CCDC91: variants seen among roughly 807,000 people sequenced by gnomAD.
CCDC91 encodes the protein coiled-coil domain-containing protein 91.
In CCDC91, 48 loss-of-function variants were observed where a neutral mutation model predicts 63.2. That is an observed-to-expected ratio of 0.76 (90% CI 0.60 to 0.97). The LOEUF (loss-of-function observed/expected upper bound fraction) is 0.97. Among genes scored for constraint, CCDC91 ranks in the 50% least tolerant of loss-of-function variants. The pLI is 0.00. For missense variants in CCDC91, 500 were observed against 494.6 expected (o/e 1.01, Z -0.10); for synonymous variants, 167 against 165.8 (o/e 1.01, Z -0.06).
chr12:28,191,230 C>T (rs1941210915), intron 1 of CCDC91: 1 of 152,310 alleles, frequency 6.6e-6, no homozygotes, highest in South Asian at 2.1e-4. Flanking sequence ...TTTTCTCCAT[C>T]TGCGCGTGTC....
At chr12:28,449,273 A>G (rs2140318485) in intron 8 of CCDC91, among the ~76,000 whole-genome samples, 1 of 152,234 alleles carries the variant, frequency 6.6e-6, no homozygotes, top group African/African-American at 2.4e-5. Context: ...CTATTTTAAA[A>G]TATTGGATAT....
chr12:28,424,516 C>T (rs1468720780), intron 8 of CCDC91, among the ~76,000 whole-genome samples: 2 of 152,132 alleles, frequency 1.3e-5, no homozygotes, highest in Non-Finnish European at 2.9e-5. Context: ...AATGATACCT[C>T]ATTTCTAATT....
At chr12:28,337,204 T>A (rs1210863524) in intron 6 of CCDC91, among the ~76,000 whole-genome samples, 2 of 152,152 alleles carry the variant, frequency 1.3e-5, no homozygotes, top group African/African-American at 4.8e-5. Flanking sequence ...AGATAAGTTA[T>A]CTTTCATGCC....
intron 3 of CCDC91, among the ~76,000 whole-genome samples, chr12:28,297,255 A>G (rs1949613831): frequency 6.6e-6 from 1 of 151,862 alleles, no homozygotes; most frequent in Non-Finnish European, 1.5e-5. Context: ...TATTATGTTT[A>G]TGTAAAATGA....
At chr12:28,330,239 A>G (rs537525895) in intron 6 of CCDC91, among the ~76,000 whole-genome samples, 1 of 152,278 alleles carries the variant, frequency 6.6e-6, no homozygotes, top group South Asian at 2.1e-4. Context: ...TCAGCAGTGT[A>G]AAAGTGTTCC....
chr12:28,505,441 G>A (rs1024922038), intron 12 of CCDC91: 1 of 151,918 alleles, frequency 6.6e-6, no homozygotes, highest in Non-Finnish European at 1.5e-5. Flanking sequence ...TCTGATCTCG[G>A]AAGCTAAGGA....
At chr12:28,362,230 C>T (rs760977994) in intron 6 of CCDC91, among the ~76,000 whole-genome samples, 2 of 147,258 alleles carry the variant, frequency 1.4e-5, no homozygotes, top group Non-Finnish European at 3.0e-5. Flanking sequence ...CTCTTGTTTC[C>T]CTTTAATTCC....
intron 6 of CCDC91, among the ~76,000 whole-genome samples, chr12:28,356,552 T>C (rs536523157): frequency 6.6e-6 from 1 of 152,298 alleles, no homozygotes; most frequent in East Asian, 1.9e-4. Context: ...CCTTTTGGAA[T>C]ATCTGGAGGT....
chr12:28,207,883 A>G (rs1447261790), intron 1 of CCDC91, among the ~76,000 whole-genome samples: 1 of 152,228 alleles, frequency 6.6e-6, no homozygotes, highest in Admixed American at 6.5e-5. Context: ...GGTGCATAGC[A>G]CTGATAACTG....
intron 8 of CCDC91, among the ~76,000 whole-genome samples, chr12:28,438,123 G>A (rs1949005125): frequency 6.6e-6 from 1 of 152,130 alleles, no homozygotes; most frequent in Admixed American, 6.6e-5. Context: ...TTGCAAGTGT[G>A]CATTAATCTG....
intron 8 of CCDC91, chr12:28,412,616 C>A: frequency 2.7e-6 from 1 of 371,968 alleles, no homozygotes; most frequent in Non-Finnish European, 5.3e-6. Flanking sequence ...TGAGAGGTAG[C>A]AGGGCTTATT....
intron 6 of CCDC91, among the ~76,000 whole-genome samples, chr12:28,316,394 T>C (rs1939862555): frequency 6.6e-6 from 1 of 151,718 alleles, no homozygotes; most frequent in Non-Finnish European, 1.5e-5. Context: ...ATAATTCTTT[T>C]CTAAAATCTC....
At chr12:28,267,380 T>C (rs1328628226) in intron 3 of CCDC91, among the ~76,000 whole-genome samples, 1 of 151,472 alleles carries the variant, frequency 6.6e-6, no homozygotes, top group African/African-American at 2.4e-5. Flanking sequence ...AGTACTGTTT[T>C]TTAAGGATAT....
At chr12:28,498,543 A>C (rs947150683) in intron 12 of CCDC91, among the ~76,000 whole-genome samples, 9 of 151,654 alleles carry the variant, frequency 5.9e-5, no homozygotes, top group African/African-American at 2.2e-4. Context: ...AGTCAAACTC[A>C]ACATCAATAG....
At chr12:28,290,213 T>G (rs1949157409) in intron 3 of CCDC91, among the ~76,000 whole-genome samples, 1 of 152,200 alleles carries the variant, frequency 6.6e-6, no homozygotes, top group African/African-American at 2.4e-5. Flanking sequence ...CATATACATT[T>G]AAGATAGATC....
At chr12:28,307,502 A>C in intron 5 of CCDC91, 143 bp from the exon 6 acceptor site, 2 of 540,616 alleles carry the variant, frequency 3.7e-6, no homozygotes, top group Non-Finnish European at 6.6e-6. Flanking sequence ...TGAAGCATAT[A>C]ATTTATAATA....
chr12:28,191,869 A>C (rs1941281855), intron 1 of CCDC91, among the ~76,000 whole-genome samples: 1 of 152,188 alleles, frequency 6.6e-6, no homozygotes, highest in African/African-American at 2.4e-5. Flanking sequence ...TGTGTGGTAG[A>C]GAATTGCCCT....
chr12:28,207,117 T>C (rs941707603), intron 1 of CCDC91, among the ~76,000 whole-genome samples: 2 of 152,234 alleles, frequency 1.3e-5, no homozygotes, highest in African/African-American at 4.8e-5. Context: ...AACAGACCTT[T>C]TTTCCACTTC....
At chr12:28,280,317 A>C (rs1948521706) in intron 3 of CCDC91, among the ~76,000 whole-genome samples, 1 of 151,814 alleles carries the variant, frequency 6.6e-6, no homozygotes, top group Non-Finnish European at 1.5e-5. Context: ...AAATTCTTCT[A>C]CTCTTGTAAC....
Sources: gnomAD v4.1 joint callset for allele counts (sites outside exome capture counted in the v4.1 genomes callset) on GRCh38, gnomAD v4.1.1 for gene constraint, MANE v1.5 for transcripts, NCBI Gene and HGNC (gene_info 2026-07-23, HGNC 2026-07-21) for gene names.